The following MTRFR variants were observed in gnomAD, a reference collection of about 807,000 sequenced individuals.
The protein encoded by MTRFR is probable peptide chain release factor C12orf65, mitochondrial.
A neutral mutation model predicts 11.9 loss-of-function variants in MTRFR; 10 were observed. That is an observed-to-expected ratio of 0.84 (90% CI 0.52 to 1.42). The LOEUF (loss-of-function observed/expected upper bound fraction) is 1.42, where lower values mean the gene tolerates loss of function less well. Ranked by LOEUF, MTRFR falls within the 40% of genes most tolerant of loss-of-function variation. MTRFR has a pLI of 0.00. For synonymous variants in MTRFR, 77 were observed against 79.1 expected, an observed-to-expected ratio of 0.97 and a Z score of 0.14; for missense variants, 196 against 197.9, an observed-to-expected ratio of 0.99 and a Z score of 0.06.
At position 123,241,742 on chromosome 12, in the gene MTRFR, T is replaced by C. The variant is rs2047941354; in HGVS notation, c.-29+8211T>C. On this transcript the variant is annotated intron_variant, in intron 1 of 2. Coordinates refer to ENST00000253233, the MANE Select transcript of MTRFR (RefSeq NM_152269.5). ...CCTCAGCCTCCCAAGTAGCTGGGAC[T>C]GTAGGCTATTATCTTGTTTGCTCCG... is the stretch of plus-strand genomic sequence containing the variant. Among the ~76,000 whole-genome samples the C allele has an allele frequency of 5.3e-5, 8 of 152,358 alleles. No individual in the cohort carries two copies. The South Asian group carries it at 1.7e-3, about 32-fold the overall frequency.
intron 1 of MTRFR, among the ~76,000 whole-genome samples, chr12:123,251,738 G>A (rs1479878645): frequency 6.6e-6 from 1 of 152,178 alleles, no homozygotes; most frequent in Non-Finnish European, 1.5e-5. Flanking sequence ...GGGTCTGTGG[G>A]TCCTCTCAGG....
intron 1 of MTRFR, among the ~76,000 whole-genome samples, chr12:123,235,804 C>T (rs966033927): frequency 6.6e-6 from 1 of 152,054 alleles, no homozygotes; most frequent in African/African-American, 2.4e-5. Flanking sequence ...TGGCTCATGC[C>T]TGTACTCCCA....
At chr12:123,252,207 G>A (rs561514368) in intron 1 of MTRFR, 3 of 152,380 alleles carry the variant, frequency 2.0e-5, no homozygotes, top group African/African-American at 7.2e-5. Flanking sequence ...GCTGAAGCAG[G>A]TGGATTACTT....
intron 2 of MTRFR, among the ~76,000 whole-genome samples, chr12:123,256,269 A>G (rs1017109391): frequency 6.6e-6 from 1 of 152,212 alleles, no homozygotes; most frequent in Non-Finnish European, 1.5e-5. Context: ...TTTCATAATT[A>G]TTTTGCGACT....
At chr12:123,241,690 A>G (rs2047940236) in intron 1 of MTRFR, among the ~76,000 whole-genome samples, 1 of 152,220 alleles carries the variant, frequency 6.6e-6, no homozygotes, top group Admixed American at 6.5e-5. Flanking sequence ...GGCTGGAGAC[A>G]GCTTCTGGGC....
intron 1 of MTRFR, among the ~76,000 whole-genome samples, chr12:123,242,842 C>T (rs2047963356): frequency 6.6e-6 from 1 of 152,222 alleles, no homozygotes; most frequent in Non-Finnish European, 1.5e-5. Context: ...TTTGTGCCAG[C>T]GCTGTCCTGC....
Position 123,257,145 on chromosome 12 carries a change from A to C in MTRFR, c.*114A>C. On this transcript the variant is annotated 3_prime_UTR_variant, in exon 3 of 3. Transcript: ENST00000253233. The stretch of plus-strand genomic sequence containing the variant: ...TGCTTCAAAAGAAATATTTTTGATG[A>C]ACTTAAAAGACAACAAATTTATTTA... The C allele has an allele frequency of 1.2e-6, 1 of 844,628 alleles. No individual in the cohort carries two copies. The highest frequency in any genetic ancestry group is 2.0e-6 in the Non-Finnish European group (1 of 507,334). 52.3% of individuals were successfully genotyped at this position (844,628 alleles called of 1,614,324 possible).
intron 1 of MTRFR, chr12:123,248,813 T>C (rs536337064): frequency 1.3e-5 from 2 of 152,362 alleles, no homozygotes; most frequent in East Asian, 1.9e-4. Context: ...TACAGAGAGC[T>C]GATTGGCCCA....
At chr12:123,256,422 G>A (rs552230368) in intron 2 of MTRFR, among the ~76,000 whole-genome samples, 1 of 152,326 alleles carries the variant, frequency 6.6e-6, no homozygotes, top group African/African-American at 2.4e-5. Context: ...CACTGTCACT[G>A]ACTCATGGGG....
intron 1 of MTRFR, among the ~76,000 whole-genome samples, chr12:123,241,983 C>A (rs528035235): frequency 2.0e-5 from 3 of 152,326 alleles, no homozygotes; most frequent in African/African-American, 7.2e-5. Flanking sequence ...AGTATGTTAT[C>A]CATCCTCAGC....
At chr12:123,235,786 G>A (rs1228164701) in intron 1 of MTRFR, among the ~76,000 whole-genome samples, 12 of 151,882 alleles carry the variant, frequency 7.9e-5, no homozygotes, top group Admixed American at 6.6e-4. Flanking sequence ...AAAGTTGGCC[G>A]GGCGTGGTGG....
intron 1 of MTRFR, chr12:123,248,578 T>C (rs2048072409): frequency 6.6e-6 from 1 of 152,624 alleles, no homozygotes; most frequent in Admixed American, 6.5e-5. Context: ...GTTTGTGGTC[T>C]CGCTGACTTC....
At chr12:123,239,585 G>A (rs2047899042) in intron 1 of MTRFR, among the ~76,000 whole-genome samples, 1 of 151,976 alleles carries the variant, frequency 6.6e-6, no homozygotes, top group East Asian at 1.9e-4. Flanking sequence ...TGTATTTTTA[G>A]TAGAGACGGG....
intron 2 of MTRFR, among the ~76,000 whole-genome samples, chr12:123,255,565 TC>T (rs1476914744): frequency 6.6e-6 from 1 of 152,074 alleles, no homozygotes; most frequent in African/African-American, 2.4e-5. Flanking sequence ...CAAGCAATCC[TC>T]CCGCCTCGGC....
At chr12:123,235,363 AGTC>A (rs2047828712) in intron 1 of MTRFR, among the ~76,000 whole-genome samples, 1 of 152,062 alleles carries the variant, frequency 6.6e-6, no homozygotes, top group Admixed American at 6.6e-5. Flanking sequence ...AAATGAGAGG[AGTC>A]GTCAAATACA....
chr12:123,241,935 G>A (rs2138756927), intron 1 of MTRFR, among the ~76,000 whole-genome samples: 1 of 152,322 alleles, frequency 6.6e-6, no homozygotes, highest in South Asian at 2.1e-4. Context: ...TCTCCAGGAG[G>A]ATGAGGGGCA....
At chr12:123,246,791 A>T (rs1462739814) in intron 1 of MTRFR, among the ~76,000 whole-genome samples, 2 of 122,024 alleles carry the variant, frequency 1.6e-5, no homozygotes, top group African/African-American at 6.7e-5. Flanking sequence ...AGTGCAGTGG[A>T]GCAATCTTGG....
intron 1 of MTRFR, chr12:123,240,477 G>C (rs1044863320): frequency 1.3e-5 from 2 of 152,122 alleles, no homozygotes; most frequent in African/African-American, 2.4e-5. Context: ...TGGCTGGTGA[G>C]TACTTTAACA....
chr12:123,253,629 C>T lies in MTRFR; in HGVS notation c.-28-18C>T. The T allele has an allele frequency of 6.2e-7, 1 of 1,613,082 alleles. No individual in the cohort carries two copies. Among genetic ancestry groups the T allele is most frequent in the South Asian group, 1.1e-5 (1 of 90,812 alleles). Reference sequence around the variant, plus strand: ...CAGATGCCTCTTACTGAAAGCTCTCCTTATTCATCTAACCCAGGTCCTCAG... The same window carrying T: ...CAGATGCCTCTTACTGAAAGCTCTCTTTATTCATCTAACCCAGGTCCTCAG... On this transcript the variant is annotated intron_variant, in intron 1 of 2. Transcript: ENST00000253233.
Sources: allele counts gnomAD v4.1 joint callset (sites outside exome capture counted in the v4.1 genomes callset), GRCh38; gene constraint gnomAD v4.1.1; transcripts MANE v1.5; gene names NCBI Gene and HGNC (gene_info 2026-07-23, HGNC 2026-07-21).